The following TNNI3K variants were observed in gnomAD, a reference collection of about 807,000 sequenced individuals.
TNNI3K encodes the protein serine/threonine-protein kinase TNNI3K.
A neutral mutation model predicts 114.5 loss-of-function variants in TNNI3K; 140 were observed. That is an observed-to-expected ratio of 1.22 (90% confidence interval 1.07 to 1.41). TNNI3K has a LOEUF of 1.41. Among genes scored for constraint, TNNI3K ranks in the 40% most tolerant of loss-of-function variants. TNNI3K has a pLI of 0.00. For missense variants in TNNI3K, 1,125 were observed against 1,007.6 expected (o/e 1.12, Z -1.58); for synonymous variants, 347 against 347.5 (o/e 1.00, Z 0.02).
At chr1:74,518,866 TTTTTC>T in intron 23 of TNNI3K, among the ~76,000 whole-genome samples, 1 of 35,636 alleles carries the variant, frequency 2.8e-5, no homozygotes, top group Non-Finnish European at 4.5e-5. Flanking sequence ...TATTTTATTT[TTTTTC>T]CCCTTTTTTT....
intron 4 of TNNI3K, among the ~76,000 whole-genome samples, chr1:74,267,023 T>G (rs541076992): frequency 6.6e-6 from 1 of 151,918 alleles, no homozygotes; most frequent in Non-Finnish European, 1.5e-5. Flanking sequence ...CTCACACTTA[T>G]AGGGTGCCTC....
chr1:74,417,113 A>G (rs1665154732), intron 17 of TNNI3K, among the ~76,000 whole-genome samples: 1 of 152,036 alleles, frequency 6.6e-6, no homozygotes, highest in Non-Finnish European at 1.5e-5. Context: ...AATTTCAGAG[A>G]AAAGATGAAA....
intron 5 of TNNI3K, among the ~76,000 whole-genome samples, chr1:74,311,471 T>A (rs1351693909): frequency 1.3e-5 from 2 of 152,192 alleles, no homozygotes; most frequent in Non-Finnish European, 1.5e-5. Flanking sequence ...GGATTCCATA[T>A]GTAACATCTT....
intron 5 of TNNI3K, among the ~76,000 whole-genome samples, chr1:74,282,415 G>A (rs909578783): frequency 1.3e-5 from 2 of 151,856 alleles, no homozygotes; most frequent in Admixed American, 6.6e-5. Context: ...AGATGCATTC[G>A]CTGTATGTTA....
At chr1:74,543,436 C>T (rs770821695) in intron 24 of TNNI3K, among the ~76,000 whole-genome samples, 4 of 152,138 alleles carry the variant, frequency 2.6e-5, no homozygotes, top group Non-Finnish European at 4.4e-5. Flanking sequence ...TGGTATCAGA[C>T]AGTGCTAATT....
At chr1:74,387,183 G>A (rs764469219) in intron 17 of TNNI3K, among the ~76,000 whole-genome samples, 10 of 151,994 alleles carry the variant, frequency 6.6e-5, no homozygotes, top group Non-Finnish European at 1.2e-4. Context: ...TATGATACAT[G>A]TTTTCTATTG....
chr1:74,418,505 T>C (rs1665241507), intron 17 of TNNI3K, among the ~76,000 whole-genome samples: 1 of 152,130 alleles, frequency 6.6e-6, no homozygotes, highest in Non-Finnish European at 1.5e-5. Context: ...AAAAGCATTG[T>C]CAAAAGAATT....
chr1:74,280,185 A>G (rs1054343580), intron 5 of TNNI3K, among the ~76,000 whole-genome samples: 1 of 152,126 alleles, frequency 6.6e-6, no homozygotes, highest in African/African-American at 2.4e-5. Context: ...GATCAAGACC[A>G]TCCTGGCTAA....
At chr1:74,533,203 T>A (rs1646613545) in intron 23 of TNNI3K, among the ~76,000 whole-genome samples, 1 of 151,420 alleles carries the variant, frequency 6.6e-6, no homozygotes, top group Non-Finnish European at 1.5e-5. Flanking sequence ...TACAATGAAC[T>A]CAAATTTACA....
chr1:74,491,519 T>C (rs1998771), intron 22 of TNNI3K, among the ~76,000 whole-genome samples: 16,168 of 152,154 alleles, frequency 0.11, 2,284 homozygotes, highest in African/African-American at 0.33. Context: ...GGATTACAGG[T>C]GTGAGCCACC....
At chr1:74,396,254 T>C (rs540550877) in intron 17 of TNNI3K, among the ~76,000 whole-genome samples, 1 of 152,272 alleles carries the variant, frequency 6.6e-6, no homozygotes, top group South Asian at 2.1e-4. Flanking sequence ...TTTAAACCCT[T>C]ATCCAAACTT....
intron 5 of TNNI3K, among the ~76,000 whole-genome samples, chr1:74,285,129 TA>T (rs1657248781): frequency 2.6e-5 from 4 of 152,220 alleles, no homozygotes; most frequent in Non-Finnish European, 5.9e-5. Context: ...CCTACAATAG[TA>T]CCTTGACTTA....
chr1:74,314,360 C>A (rs1250623426), intron 5 of TNNI3K, among the ~76,000 whole-genome samples: 5 of 151,774 alleles, frequency 3.3e-5, no homozygotes, highest in African/African-American at 1.2e-4. Context: ...CTCAAATTTT[C>A]TTTAACAAAG....
intron 23 of TNNI3K, among the ~76,000 whole-genome samples, chr1:74,522,712 T>A (rs971295812): frequency 6.6e-6 from 1 of 152,064 alleles, no homozygotes; most frequent in Non-Finnish European, 1.5e-5. Flanking sequence ...CAGAATAACA[T>A]GATTCATTTT....
At chr1:74,272,814 A>G (rs1656431763) in intron 5 of TNNI3K, among the ~76,000 whole-genome samples, 1 of 151,930 alleles carries the variant, frequency 6.6e-6, no homozygotes, top group South Asian at 2.1e-4. Context: ...TAGATATAAA[A>G]CTAAGGCTCT....
At chr1:74,347,582 T>G (rs2100457555) in intron 9 of TNNI3K, among the ~76,000 whole-genome samples, 1 of 152,336 alleles carries the variant, frequency 6.6e-6, no homozygotes, top group South Asian at 2.1e-4. Context: ...CCACGCCGAC[T>G]TCCACAATGG....
At chr1:74,479,294 A>G (rs1668359095) in intron 21 of TNNI3K, among the ~76,000 whole-genome samples, 1 of 152,212 alleles carries the variant, frequency 6.6e-6, no homozygotes, top group African/African-American at 2.4e-5. Flanking sequence ...TCAACTAATG[A>G]CACTAAGTGT....
At chr1:74,524,286 A>G (rs1417219103) in intron 23 of TNNI3K, among the ~76,000 whole-genome samples, 3 of 152,238 alleles carry the variant, frequency 2.0e-5, no homozygotes, top group Non-Finnish European at 4.4e-5. Flanking sequence ...TCAGATGGTT[A>G]TGGTAACATG....
At chr1:74,491,073 GGAATA>G (rs1669047937) in intron 22 of TNNI3K, among the ~76,000 whole-genome samples, 1 of 152,084 alleles carries the variant, frequency 6.6e-6, no homozygotes, top group South Asian at 2.1e-4. Flanking sequence ...GCCTTTTAAA[GGAATA>G]ATTAAAACTG....
Sources: allele counts gnomAD v4.1 joint callset (sites outside exome capture counted in the v4.1 genomes callset), GRCh38; gene constraint gnomAD v4.1.1; transcripts MANE v1.5; gene names NCBI Gene and HGNC (gene_info 2026-07-23, HGNC 2026-07-21).